Variants in PCMTD1 observed in about 807,000 individuals in gnomAD.
The protein encoded by PCMTD1 is protein-L-isoaspartate O-methyltransferase domain-containing protein 1.
A neutral mutation model predicts 37.6 loss-of-function variants in PCMTD1; 12 were observed. That is an observed-to-expected ratio of 0.32 (90% CI 0.20 to 0.52). The LOEUF is 0.52. Among genes scored for constraint, PCMTD1 ranks in the 20% least tolerant of loss-of-function variants. The pLI, the probability that PCMTD1 is intolerant of heterozygous loss-of-function variation, is 0.97. For missense variants in PCMTD1, 235 were observed against 421.3 expected, an observed-to-expected ratio of 0.56 and a Z score of 3.87; for synonymous variants, 117 against 135.8, an observed-to-expected ratio of 0.86 and a Z score of 0.96.
chr8:51,822,651 G>A (rs2037865742), intron 5 of PCMTD1, among the ~76,000 whole-genome samples: 2 of 152,202 alleles, frequency 1.3e-5, no homozygotes, highest in Admixed American at 6.5e-5. Flanking sequence ...TGACTGCAGA[G>A]TGTGTGCTGC....
At chr8:51,866,954 A>G (rs143549790) in intron 1 of PCMTD1, among the ~76,000 whole-genome samples, 1 of 152,044 alleles carries the variant, frequency 6.6e-6, no homozygotes, top group East Asian at 1.9e-4. Context: ...AGGGATTGCA[A>G]ACCATACATC....
intron 2 of PCMTD1, among the ~76,000 whole-genome samples, chr8:51,854,364 A>G (rs1162801969): frequency 2.9e-5 from 3 of 103,600 alleles, no homozygotes; most frequent in Non-Finnish European, 5.0e-5. Flanking sequence ...CAACCAGTGT[A>G]AGTGAGAGGG....
chr8:51,876,972 T>C (rs1165907099), intron 1 of PCMTD1, among the ~76,000 whole-genome samples: 1 of 152,168 alleles, frequency 6.6e-6, no homozygotes, highest in Non-Finnish European at 1.5e-5. Context: ...CTCCACAAAT[T>C]ACCAATTAAT....
chr8:51,844,613 GAGGAAGGGGAGGAAGGCCAAAGGC>G (rs1221055040), intron 3 of PCMTD1, among the ~76,000 whole-genome samples: 8 of 152,128 alleles, frequency 5.3e-5, no homozygotes, highest in Admixed American at 2.6e-4. Context: ...AAAAGTACAA[GAGGAAGGGGAGGAAGGCCAAAGGC>G]AGGAAGGGGA....
At chr8:51,832,532 C>T (rs1047374946) in intron 4 of PCMTD1, among the ~76,000 whole-genome samples, 8 of 152,184 alleles carry the variant, frequency 5.3e-5, no homozygotes. Flanking sequence ...TACTCTACCT[C>T]TACTATACAA....
At chr8:51,820,760 T>C in intron 5 of PCMTD1, 42 bp from the exon 6 acceptor site, 1 of 1,485,490 alleles carries the variant, frequency 6.7e-7, no homozygotes, top group South Asian at 1.3e-5. Flanking sequence ...ATATTAACAA[T>C]AAAACATTAT....
intron 1 of PCMTD1, among the ~76,000 whole-genome samples, chr8:51,878,585 AAAAAATTT>A (rs1287755576): frequency 1.3e-5 from 2 of 151,940 alleles, no homozygotes; most frequent in Non-Finnish European, 2.9e-5. Flanking sequence ...TCATCTCTAC[AAAAAATTT>A]AAAAAATTAG....
intron 1 of PCMTD1, among the ~76,000 whole-genome samples, chr8:51,890,483 A>G (rs960177802): frequency 6.6e-6 from 1 of 152,230 alleles, no homozygotes; most frequent in Non-Finnish European, 1.5e-5. Flanking sequence ...CGAGACTTAC[A>G]GGAGTAACAG....
intron 2 of PCMTD1, among the ~76,000 whole-genome samples, chr8:51,854,903 G>A (rs1299577718): frequency 1.3e-5 from 2 of 149,972 alleles, no homozygotes; most frequent in African/African-American, 4.9e-5. Flanking sequence ...GGCTAGGCGT[G>A]GTGGCTCACG....
chr8:51,883,123 C>T (rs1445578301), intron 1 of PCMTD1, among the ~76,000 whole-genome samples: 1 of 151,520 alleles, frequency 6.6e-6, no homozygotes, highest in Non-Finnish European at 1.5e-5. Context: ...GGCGACACAG[C>T]GAGATTCCGT....
intron 1 of PCMTD1, among the ~76,000 whole-genome samples, chr8:51,877,917 TA>T (rs562955187): frequency 5.9e-5 from 9 of 151,566 alleles, no homozygotes; most frequent in African/African-American, 1.9e-4. Flanking sequence ...GTACTAAAGT[TA>T]AAAAAAAATT....
chr8:51,841,390 T>A (rs2038145346), intron 3 of PCMTD1, among the ~76,000 whole-genome samples: 1 of 152,140 alleles, frequency 6.6e-6, no homozygotes, highest in African/African-American at 2.4e-5. Context: ...CAAACTACAT[T>A]ATACTCATTT....
rs1454158699 is a variant in PCMTD1, at chr8:51,861,306, GT to G, written c.-95-61del. On this transcript the variant is annotated intron_variant, in intron 1 of 5. Coordinates refer to ENST00000522514, the MANE Select transcript of PCMTD1 (RefSeq NM_052937.4). ...TTAATGCTCAAAAGCAAAATAACTT[GT>G]TTATTAAATGTATGTCATTATAATT... is the stretch of plus-strand genomic sequence containing the variant. The G allele has an allele frequency of 7.5e-6, 9 of 1,204,368 alleles. No individual in the cohort carries two copies. In the African/African-American group the frequency reaches 9.2e-5, roughly 12 times the overall value. The allele number at this position is 1,204,368 out of a possible 1,614,324, so 74.6% of individuals were successfully genotyped here. A position where few individuals can be genotyped will look rare whatever the true frequency, so the allele number is the denominator to read the frequency against.
At chr8:51,893,601 GAAAAT>G (rs752866886) in intron 1 of PCMTD1, among the ~76,000 whole-genome samples, 13 of 152,058 alleles carry the variant, frequency 8.5e-5, no homozygotes, top group Non-Finnish European at 1.3e-4. Flanking sequence ...CAACAGCATG[GAAAAT>G]AATTCAAATA....
At chr8:51,856,448 G>T (rs981423533) in intron 2 of PCMTD1, among the ~76,000 whole-genome samples, 3 of 152,156 alleles carry the variant, frequency 2.0e-5, no homozygotes, top group Non-Finnish European at 2.9e-5. Context: ...AAAACACTTT[G>T]TTGGTCTCTT....
At chr8:51,845,793 AT>A in intron 2 of PCMTD1, 30 bp from the exon 3 acceptor site, 2 of 1,452,444 alleles carry the variant, frequency 1.4e-6, no homozygotes, top group Admixed American at 3.4e-5. Flanking sequence ...TTTATAAAAA[AT>A]ATTAATAATA....
intron 1 of PCMTD1, among the ~76,000 whole-genome samples, chr8:51,869,589 C>T (rs2038609562): frequency 6.6e-6 from 1 of 151,978 alleles, no homozygotes; most frequent in East Asian, 1.9e-4. Context: ...TTTTTACTGC[C>T]TCACTCCTGC....
At chr8:51,874,376 A>C (rs749447612) in intron 1 of PCMTD1, among the ~76,000 whole-genome samples, 1 of 150,848 alleles carries the variant, frequency 6.6e-6, no homozygotes, top group Admixed American at 6.6e-5. Flanking sequence ...CTCCTTCAAC[A>C]TGGAACCACC....
intron 3 of PCMTD1, chr8:51,845,276 A>G (rs955825565): frequency 5.9e-6 from 1 of 168,086 alleles, no homozygotes; most frequent in African/African-American, 2.4e-5. Flanking sequence ...TCCTTTGTAT[A>G]CTGACTGGTA....
Sources: gnomAD v4.1 joint callset for allele counts (sites outside exome capture counted in the v4.1 genomes callset) on GRCh38, gnomAD v4.1.1 for gene constraint, MANE v1.5 for transcripts, NCBI Gene and HGNC (gene_info 2026-07-23, HGNC 2026-07-21) for gene names.